Variants in STK35 observed in about 807,000 individuals in gnomAD.
STK35 encodes serine/threonine-protein kinase 35.
STK35 carries 17 observed loss-of-function variants against 37.3 expected under a neutral mutation model. That is an observed-to-expected ratio of 0.46 (90% CI 0.31 to 0.68). The LOEUF (loss-of-function observed/expected upper bound fraction) is 0.68, where lower values mean the gene tolerates loss of function less well. Among genes scored for constraint, STK35 ranks in the 30% least tolerant of loss-of-function variants. The pLI is 0.05. For missense variants in STK35, 595 were observed against 746.7 expected, an observed-to-expected ratio of 0.80 and a Z score of 2.37; for synonymous variants, 385 against 319.1, an observed-to-expected ratio of 1.21 and a Z score of -2.20.
rs547162118 is a variant in STK35, at chr20:2,117,919, A to G, written c.*37+504A>G. Among the ~76,000 whole-genome samples, 2 of 152,350 alleles carry G rather than the reference A, an allele frequency of 1.3e-5. No individual in the cohort carries two copies. Among genetic ancestry groups the G allele is most frequent in the African/African-American group, 4.8e-5 (2 of 41,580 alleles). On this transcript the variant is annotated intron_variant, in intron 3 of 3. Transcript: ENST00000381482. This position sits in a 1 kb window ranked among gnomAD's most constrained non-coding sequence, Gnocchi z 4.4. ...GTGCAATTATCTGAGTACACGTTGG[A>G]AAGTCTAGAGAAGTCTTCTCAGAGG... is the stretch of plus-strand genomic sequence containing the variant.
intron 3 of STK35, among the ~76,000 whole-genome samples, chr20:2,121,669 C>A (rs1985819864): frequency 6.6e-6 from 1 of 151,948 alleles, no homozygotes; most frequent in Non-Finnish European, 1.5e-5. Flanking sequence ...AAGAGGAGGT[C>A]AGAGGACTGA....
Position 2,103,342 on chromosome 20 carries a change from G to A in STK35, c.869G>A (p.Arg290His), listed in dbSNP as rs1985445865. The A allele has an allele frequency of 1.2e-6, 2 of 1,612,142 alleles. No individual in the cohort carries two copies. The highest frequency in any genetic ancestry group is 1.7e-5 in the Admixed American group (1 of 59,938). ...AACAAGAGCTCGCAGCTTTACCTGC[G>A]CCTGGTGGAGACCTCGCTGAAAGGT... The part of the protein sequence containing the change: ...HGNKSSQLYL[R>H]LVETSLKGER... Residue 290 changes from arginine (R) to histidine (H), a missense_variant, in exon 2 of 4, where the codon CGC (arginine) becomes CAC (histidine). Physicochemically the swap from Arg to His is conservative, Grantham distance 29. Coordinates refer to ENST00000381482, the MANE Select transcript of STK35 (RefSeq NM_080836.4).
At chr20:2,104,171 G>T (rs1427667571) in intron 2 of STK35, among the ~76,000 whole-genome samples, 1 of 152,190 alleles carries the variant, frequency 6.6e-6, no homozygotes, top group Non-Finnish European at 1.5e-5. Context: ...TTTAACTGCA[G>T]TTAGGGAATG....
rs896052236 is a variant in STK35 at position 2,102,742 on chromosome 20, C to A, written c.295-26C>A. On this transcript the variant is annotated intron_variant, in intron 1 of 3. Coordinates refer to ENST00000381482, the MANE Select transcript of STK35 (RefSeq NM_080836.4). ...CCTGGCCTCCCCGCCTTGGCCTGGC[C>A]GTTTAACCGATTCTTTCGCCCGCAG... 15 of 1,399,270 alleles carry A rather than the reference C, an allele frequency of 1.1e-5. No homozygotes were observed. In the African/African-American group the frequency reaches 1.8e-4, roughly 17 times the overall value. 86.7% of individuals were successfully genotyped at this position (1,399,270 alleles called of 1,614,324 possible). A position where few individuals can be genotyped will look rare whatever the true frequency, so the allele number is the denominator to read the frequency against.
intron 2 of STK35, among the ~76,000 whole-genome samples, chr20:2,112,060 G>A (rs901047836): frequency 6.6e-6 from 1 of 152,166 alleles, no homozygotes; most frequent in Non-Finnish European, 1.5e-5. Context: ...TCAGCTCACC[G>A]CACCTCTGTC....
At chr20:2,129,825 G>A (rs575061898) in intron 3 of STK35, among the ~76,000 whole-genome samples, 5 of 152,160 alleles carry the variant, frequency 3.3e-5, no homozygotes, top group African/African-American at 7.2e-5. Flanking sequence ...GGAGGAGGGA[G>A]CCGGCTGGAG....
intron 3 of STK35, among the ~76,000 whole-genome samples, chr20:2,136,866 G>T (rs1986095323): frequency 6.6e-6 from 1 of 152,212 alleles, no homozygotes; most frequent in Admixed American, 6.5e-5. Context: ...ACTGGGCAGG[G>T]GGACAGAAGA....
chr20:2,147,867 C>A lies in STK35; in HGVS notation c.*4121C>A, dbSNP rs997032531. ...TTTTGGAGGCAGAAGTCCAGAGATA[C>A]TGGCTCTGCCAAGCTGTCGTACTGG... On this transcript the variant is annotated 3_prime_UTR_variant, in exon 4 of 4. Coordinates refer to ENST00000381482, the MANE Select transcript of STK35 (RefSeq NM_080836.4). 5 of 152,246 alleles carry A rather than the reference C, an allele frequency of 3.3e-5. No homozygotes were observed. Among genetic ancestry groups the A allele is most frequent in the Non-Finnish European group, 7.3e-5 (5 of 68,054 alleles). 9.4% of individuals were successfully genotyped at this position (152,246 alleles called of 1,614,324 possible). A position where few individuals can be genotyped will look rare whatever the true frequency, so the allele number is the denominator to read the frequency against.
At chr20:2,116,545 G>A in intron 2 of STK35, 121 bp from the exon 3 acceptor site, 1 of 1,090,494 alleles carries the variant, frequency 9.2e-7, no homozygotes, top group Non-Finnish European at 1.3e-6. Context: ...CAGTTGTGCA[G>A]GTCCCCTTGG....
At chr20:2,103,489 G>C in intron 2 of STK35, 124 bp downstream of exon 2, 1 of 887,214 alleles carries the variant, frequency 1.1e-6, no homozygotes, top group Non-Finnish European at 1.7e-6. Context: ...CCTGTGCCCT[G>C]ACACACCCTC....
At chr20:2,124,732 G>T (rs764280851) in intron 3 of STK35, among the ~76,000 whole-genome samples, 21 of 152,196 alleles carry the variant, frequency 1.4e-4, no homozygotes, top group Non-Finnish European at 2.1e-4. Flanking sequence ...TTGAAGCTCA[G>T]TCTTCAACTG....
intron 3 of STK35, among the ~76,000 whole-genome samples, chr20:2,136,841 C>T (rs983161294): frequency 2.6e-5 from 4 of 152,166 alleles, no homozygotes; most frequent in Non-Finnish European, 4.4e-5. Flanking sequence ...GATCTGAGGT[C>T]GTCCATGCCT....
chr20:2,102,041 G>T lies in STK35; in HGVS notation c.160G>T (p.Ala54Ser), dbSNP rs373961702. The change falls in exon 1 of 4, where the codon GCT becomes TCT. Residue 54 changes from alanine to serine, a missense_variant. Physicochemically the swap from Ala to Ser is moderately conservative, Grantham distance 99. Around this residue, in one of 3 missense-constraint regions of STK35, gnomAD observed 389 missense variants for 320.0 expected, o/e 1.22. Transcript: ENST00000381482. ...PASAAAAEGS[A>S]TRRARAATSR... is the part of the protein sequence containing the mutation. ...GAGCGCCGCGGCAGCAGAAGGATCCGCTACACGCCGGGCTCGGGCCGCCAC... is the reference window on the plus strand; with the variant it reads ...GAGCGCCGCGGCAGCAGAAGGATCCTCTACACGCCGGGCTCGGGCCGCCAC... 54 of 1,525,510 alleles carry T rather than the reference G, an allele frequency of 3.5e-5. No homozygotes were observed. In the African/African-American group the frequency reaches 6.7e-4, roughly 19 times the overall value. 94.5% of individuals were successfully genotyped at this position (1,525,510 alleles called of 1,614,324 possible).
intron 2 of STK35, among the ~76,000 whole-genome samples, chr20:2,105,788 A>G (rs1235636172): frequency 2.0e-5 from 3 of 152,142 alleles, no homozygotes; most frequent in East Asian, 1.9e-4. Context: ...AAGTTTCCCA[A>G]ACTTGTTTCA....
intron 3 of STK35, among the ~76,000 whole-genome samples, chr20:2,127,466 A>T (rs1246709403): frequency 2.0e-5 from 3 of 152,180 alleles, no homozygotes; most frequent in African/African-American, 4.8e-5. Context: ...TAGTAACCAG[A>T]TTGCATCTTG....
chr20:2,113,344 A>C (rs1985654954), intron 2 of STK35, among the ~76,000 whole-genome samples: 1 of 152,166 alleles, frequency 6.6e-6, no homozygotes, highest in Non-Finnish European at 1.5e-5. Context: ...TAATTTAATA[A>C]AAACTAAAAT....
At chr20:2,102,548 G>A (rs1380323860) in intron 1 of STK35, among the ~76,000 whole-genome samples, 1 of 152,202 alleles carries the variant, frequency 6.6e-6, no homozygotes, top group African/African-American at 2.4e-5. Flanking sequence ...CAGAGAGAGC[G>A]GAGAGTTTGT....
intron 2 of STK35, among the ~76,000 whole-genome samples, chr20:2,107,582 A>G (rs373447250): frequency 5.3e-5 from 8 of 152,156 alleles, no homozygotes; most frequent in African/African-American, 1.9e-4. Context: ...AAAATAGTAC[A>G]GTTGTCTGGG....
chr20:2,130,805 C>T (rs960005488), intron 3 of STK35, among the ~76,000 whole-genome samples: 7 of 152,104 alleles, frequency 4.6e-5, no homozygotes, highest in Non-Finnish European at 8.8e-5. Flanking sequence ...GAGGGGCGGC[C>T]CTCCAACCTT....
Sources: gnomAD v4.1 joint callset for allele counts (sites outside exome capture counted in the v4.1 genomes callset) on GRCh38, gnomAD v4.1.1 for gene constraint, gnomAD v4.1.1 regional missense constraint, Gnocchi (gnomAD v3.1) non-coding constraint, MANE v1.5 for transcripts, NCBI Gene and HGNC (gene_info 2026-07-23, HGNC 2026-07-21) for gene names.